The following SETDB2 variants were observed in gnomAD, a reference collection of about 807,000 sequenced individuals.
SETDB2 encodes the protein histone-lysine N-methyltransferase SETDB2.
SETDB2 carries 56 observed loss-of-function variants against 82.5 expected under a neutral mutation model. That is an observed-to-expected ratio of 0.68 (90% CI 0.55 to 0.85). SETDB2 has a LOEUF of 0.85. Among genes scored for constraint, SETDB2 ranks in the 40% least tolerant of loss-of-function variants. SETDB2 has a pLI of 0.00. For missense variants in SETDB2, 677 were observed against 816.4 expected (o/e 0.83, Z 2.08); for synonymous variants, 272 against 284.9 (o/e 0.95, Z 0.46).
At chr13:49,456,433 C>T (rs1957883770) in intron 2 of SETDB2, among the ~76,000 whole-genome samples, 1 of 152,022 alleles carries the variant, frequency 6.6e-6, no homozygotes, top group Non-Finnish European at 1.5e-5. Flanking sequence ...TGGTTATAGT[C>T]TTGCAATGAA....
chr13:49,491,895 A>G lies in SETDB2; in HGVS notation c.*46A>G. ...TGTGAAATTAGCTTATCAGGCTGAA[A>G]TTAAAGCCATGCAAAAGAAGGTCTA... On this transcript the variant is annotated 3_prime_UTR_variant, in exon 14 of 14. Transcript: ENST00000611815. 7.5e-7 allele frequency: 1 copy of G among 1,327,314 alleles called. No individual in the cohort carries two copies. The highest frequency in any genetic ancestry group is 1.8e-4 in the Middle Eastern group (1 of 5,534). 82.2% of individuals were successfully genotyped at this position (1,327,314 alleles called of 1,614,324 possible).
chr13:49,456,552 G>A (rs1957886432), intron 2 of SETDB2, among the ~76,000 whole-genome samples: 1 of 152,250 alleles, frequency 6.6e-6, no homozygotes, highest in South Asian at 2.1e-4. Context: ...ATGCTGAATT[G>A]ATCTTCAATT....
chr13:49,481,130 T>G lies in SETDB2; in HGVS notation c.1156+14T>G. The G allele has an allele frequency of 6.2e-7, 1 of 1,606,052 alleles. No homozygotes were observed. The highest frequency in any genetic ancestry group is 8.5e-7 in the Non-Finnish European group (1 of 1,175,940). ...GCATTTATTCAGGTAAAGCAAAAGTTTATTTTCAAATTATTCTAGAGTAGA... is the reference window on the plus strand; with the variant it reads ...GCATTTATTCAGGTAAAGCAAAAGTGTATTTTCAAATTATTCTAGAGTAGA... On this transcript the variant is annotated intron_variant, in intron 8 of 13. Transcript: ENST00000611815.
chr13:49,465,105 T>C (rs1447348809), intron 4 of SETDB2, among the ~76,000 whole-genome samples: 1 of 151,964 alleles, frequency 6.6e-6, no homozygotes, highest in Non-Finnish European at 1.5e-5. Flanking sequence ...CTAGCATTTA[T>C]TTTAAAAAGA....
chr13:49,482,355 A>T, intron 8 of SETDB2: 2 of 983,014 alleles, frequency 2.0e-6, no homozygotes, highest in Non-Finnish European at 2.4e-6. Context: ...TACTTTTGTT[A>T]AAAATTTTAA....
intron 2 of SETDB2, among the ~76,000 whole-genome samples, chr13:49,458,598 G>C (rs1957936812): frequency 6.6e-6 from 1 of 151,940 alleles, no homozygotes; most frequent in African/African-American, 2.4e-5. Context: ...TTCTTATTCT[G>C]TATGTTCTCC....
rs200105049 is a variant in SETDB2 at position 49,476,523 on chromosome 13, A to T, written c.353A>T (p.Asp118Val). 6.9e-5 allele frequency: 111 copies of T among 1,611,162 alleles called. 1 individual carries two copies. Among genetic ancestry groups the T allele is most frequent in the Non-Finnish European group, 4.1e-5 (48 of 1,178,866 alleles). ...CTCTCTCTTGAAGATAAAGTTGTAG[A>T]CTTTAGAGAAAAAGACTCATCTTCG... ...EILSLEDKVVDFREKDSSSNL... is the reference protein window; with the variant it reads ...EILSLEDKVVVFREKDSSSNL... Residue 118 changes from aspartate (D) to valine (V), a missense_variant, in exon 6 of 14, where the codon GAC becomes GTC. Asp to Val is a radical substitution (Grantham distance 152). This residue lies in a region of SETDB2 where 243 missense variants were observed against 237.2 expected (regional missense o/e 1.02). Transcript: ENST00000611815.
At chr13:49,446,550 ATAC>A in intron 1 of SETDB2, 1 of 340,594 alleles carries the variant, frequency 2.9e-6, no homozygotes, top group Non-Finnish European at 5.7e-6. Context: ...GAAAAATACT[ATAC>A]TACATCATTC....
chr13:49,471,252 C>T (rs1958235324), intron 5 of SETDB2, among the ~76,000 whole-genome samples: 1 of 151,956 alleles, frequency 6.6e-6, no homozygotes, highest in Admixed American at 6.6e-5. Flanking sequence ...GCTGGGATTA[C>T]AGGCATGAGC....
chr13:49,463,968 G>C, intron 4 of SETDB2: 1 of 714,798 alleles, frequency 1.4e-6, no homozygotes, highest in Non-Finnish European at 2.6e-6. Context: ...ATACAGGAAA[G>C]CTTATTTCTC....
intron 10 of SETDB2, 45 bp downstream of exon 10, chr13:49,483,608 AATTTTTTTTTTTTTTT>A: frequency 6.1e-6 from 3 of 490,652 alleles, no homozygotes; most frequent in East Asian, 4.6e-5. Flanking sequence ...TTCTTTTTTA[AATTTTTTTTTTTTTTT>A]TTTTTTTTTT....
At chr13:49,471,936 T>TATATATATATATATATA (rs71664753) in intron 5 of SETDB2, among the ~76,000 whole-genome samples, 217 of 95,674 alleles carry the variant, frequency 2.3e-3, no homozygotes, top group African/African-American at 0.011. Flanking sequence ...ATATATATAT[T>TATATATATATATATATA]TTTTTTTTTT....
In SETDB2 at chr13:49,485,636, G is replaced by T. The variant is rs758606958; in HGVS notation, c.1489G>T (p.Val497Phe). 6.2e-7 allele frequency: 1 copy of T among 1,609,878 alleles called. No homozygotes were observed. The highest frequency in any genetic ancestry group is 1.1e-5 in the South Asian group (1 of 90,208). The stretch of plus-strand genomic sequence containing the variant: ...TCTTCCTTGTTTTTTTAAGGAATTT[G>T]TTTCCTCGGAGTCTGTCACTCCAGA... The part of the protein sequence containing the change: ...FQHNGKKMEF[V>F]SSESVTPEDN... Residue 497 changes from valine (V) to phenylalanine (F), a missense_variant, in exon 11 of 14, where the codon GTT becomes TTT. This residue lies in a region of SETDB2 where 420 missense variants were observed against 554.6 expected (regional missense o/e 0.76). Transcript: ENST00000611815.
intron 1 of SETDB2, chr13:49,446,566 T>C: frequency 3.1e-6 from 1 of 320,630 alleles, no homozygotes; most frequent in Non-Finnish European, 6.1e-6. Flanking sequence ...CATCATTCTG[T>C]AGCTTTATTT....
chr13:49,462,370 T>G (rs971570883), intron 4 of SETDB2, among the ~76,000 whole-genome samples: 1 of 152,180 alleles, frequency 6.6e-6, no homozygotes, highest in Non-Finnish European at 1.5e-5. Flanking sequence ...AAAGACACTC[T>G]TATCACTACT....
intron 2 of SETDB2, 53 bp downstream of exon 2, chr13:49,451,962 TAG>T (rs1369378165): frequency 7.5e-7 from 1 of 1,334,052 alleles, no homozygotes; most frequent in African/African-American, 1.5e-5. Context: ...TAAAAGTATA[TAG>T]ACAATGTAAG....
At chr13:49,451,956 A>C in intron 2 of SETDB2, 47 bp downstream of exon 2, 2 of 1,419,118 alleles carry the variant, frequency 1.4e-6, no homozygotes, top group Admixed American at 1.9e-5. Context: ...AAAGTATAAA[A>C]GTATATAGAC....
At chr13:49,467,541 T>C (rs1029576110) in intron 4 of SETDB2, among the ~76,000 whole-genome samples, 1 of 152,204 alleles carries the variant, frequency 6.6e-6, no homozygotes, top group Non-Finnish European at 1.5e-5. Context: ...TTAAGAATTA[T>C]GTGATTTCTC....
chr13:49,458,195 C>T (rs1344536323), intron 2 of SETDB2, among the ~76,000 whole-genome samples: 4 of 152,004 alleles, frequency 2.6e-5, no homozygotes, highest in South Asian at 2.1e-4. Context: ...GCAATCCTCT[C>T]GCCTCAGCCT....
Sources: gnomAD v4.1 joint callset for allele counts (sites outside exome capture counted in the v4.1 genomes callset) on GRCh38, gnomAD v4.1.1 for gene constraint, gnomAD v4.1.1 regional missense constraint, MANE v1.5 for transcripts, NCBI Gene and HGNC (gene_info 2026-07-23, HGNC 2026-07-21) for gene names.